The following TCF20 variants were observed in gnomAD, a reference collection of about 807,000 sequenced individuals.
TCF20 encodes the protein transcription factor 20, also known as SPRE-binding protein.
In TCF20, 3 loss-of-function variants were observed where a neutral mutation model predicts 148.6. The observed-to-expected ratio is 0.02, with a 90% CI of 0.01 to 0.05. The LOEUF (loss-of-function observed/expected upper bound fraction) is 0.05, where lower values mean the gene tolerates loss of function less well. Among genes scored for constraint, TCF20 ranks in the 10% least tolerant of loss-of-function variants. TCF20 has a pLI of 1.00. For missense variants in TCF20, 2,350 were observed against 2,429.3 expected, an observed-to-expected ratio of 0.97 and a Z score of 0.69; for synonymous variants, 1,049 against 909.5, an observed-to-expected ratio of 1.15 and a Z score of -2.76.
chr22:42,257,225 G>A (rs973954825), intron 1 of TCF20, among the ~76,000 whole-genome samples: 2 of 152,110 alleles, frequency 1.3e-5, no homozygotes, highest in African/African-American at 4.8e-5. Flanking sequence ...CGGTTCTCTG[G>A]GTTCTTCACC....
upstream of TCF20, among the ~76,000 whole-genome samples, chr22:42,286,730 G>A (rs987214131): frequency 1.3e-5 from 2 of 152,172 alleles, no homozygotes; most frequent in Admixed American, 1.3e-4. Flanking sequence ...CCAAGCCTCA[G>A]TTTCCTCCTT....
Position 42,210,101 on chromosome 22 carries a change from C to T in TCF20, c.5205G>A (p.Lys1735=). 1.9e-6 allele frequency: 3 copies of T among 1,614,102 alleles called. No individual in the cohort carries two copies. The highest frequency in any genetic ancestry group is 1.6e-4 in the Middle Eastern group (1 of 6,062). Residue 1735 remains lysine (K), a synonymous_variant, in exon 2 of 6, where the codon AAG becomes AAA. Transcript: ENST00000677622. The surrounding 1 kb of genome is among the most constrained non-coding windows in gnomAD (Gnocchi z 4.7). ...CTGTGGCCCTCTTAGGAGGTGGATTCTTCGGGAGAGTGGCTGCATAATCTT... is the reference window on the plus strand; with the variant it reads ...CTGTGGCCCTCTTAGGAGGTGGATTTTTCGGGAGAGTGGCTGCATAATCTT... ...YPQDYAATLP[K]NPPPKRATEM...
At chr22:42,179,822 G>A in intron 2 of TCF20, 120 bp from the exon 3 acceptor site, 1 of 682,448 alleles carries the variant, frequency 1.5e-6, no homozygotes, top group South Asian at 1.6e-5. Context: ...AGGAGTCCGT[G>A]GTGGCAGGAT....
chr22:42,337,310 C>G (rs922821216), intron 1 of TCF20, among the ~76,000 whole-genome samples: 55 of 152,134 alleles, frequency 3.6e-4, no homozygotes, highest in Admixed American at 2.6e-4. Context: ...CATACCTCCC[C>G]CTCCTGCCTG....
intron 2 of TCF20, among the ~76,000 whole-genome samples, chr22:42,206,541 C>T (rs535866664): frequency 4.6e-5 from 7 of 152,238 alleles, no homozygotes; most frequent in African/African-American, 1.7e-4. Flanking sequence ...GAATTTTGTA[C>T]TTGAGGGTCT....
chr22:42,308,666 T>C (rs1046066486), intron 1 of TCF20, among the ~76,000 whole-genome samples: 5 of 152,060 alleles, frequency 3.3e-5, no homozygotes, highest in African/African-American at 9.7e-5. Context: ...GCCTCCCCCA[T>C]GGCCAGAAGT....
Position 42,214,945 on chromosome 22 carries a change from G to A in TCF20, c.361C>T (p.Pro121Ser). Reference sequence around the variant, plus strand: ...TGATTGCCAAAGCTGCTCCCCTGGGGGGGTCCATAGCTCTGCACAGGCCCA... The same window carrying A: ...TGATTGCCAAAGCTGCTCCCCTGGGAGGGTCCATAGCTCTGCACAGGCCCA... ...PSGPVQSYGP[P>S]QGSSFGNQYG... The change falls in exon 2 of 6, where the codon CCC becomes TCC. Residue 121 changes from proline to serine, a missense_variant. This residue lies in a region of TCF20 where 1,641 missense variants were observed against 1,662.6 expected (regional missense o/e 0.99). Coordinates refer to ENST00000677622, the MANE Select transcript of TCF20 (RefSeq NM_001378418.1). 6.2e-7 allele frequency: 1 copy of A among 1,614,232 alleles called. No homozygotes were observed. The highest frequency in any genetic ancestry group is 2.2e-5 in the East Asian group (1 of 44,892).
Position 42,214,137 on chromosome 22 carries a change from A to G in TCF20, c.1169T>C (p.Met390Thr). 6.2e-7 allele frequency: 1 copy of G among 1,614,194 alleles called. No homozygotes were observed. Among genetic ancestry groups the G allele is most frequent in the East Asian group, 2.2e-5 (1 of 44,888 alleles). Residue 390 changes from methionine to threonine, a missense_variant, in exon 2 of 6, where the codon ATG becomes ACG. By Grantham distance (81) the Met-to-Thr change is moderately conservative. Coordinates refer to ENST00000677622, the MANE Select transcript of TCF20 (RefSeq NM_001378418.1). ...ACACTGGAGATTCTCCCCAGTCTGCATGAGAGGAGATGGGGTAGAACTACA... is the reference window on the plus strand; with the variant it reads ...ACACTGGAGATTCTCCCCAGTCTGCGTGAGAGGAGATGGGGTAGAACTACA... The part of the protein sequence containing the change: ...PSCSSTPSPL[M>T]QTGENLQCGQ...
chr22:42,257,691 C>CA (rs1237665685), intron 1 of TCF20, among the ~76,000 whole-genome samples: 1 of 152,062 alleles, frequency 6.6e-6, no homozygotes, highest in Non-Finnish European at 1.5e-5. Context: ...CTTTTTTCAG[C>CA]AAAAATCTTA....
At position 42,179,643 on chromosome 22, in the gene TCF20, G is replaced by C; in HGVS notation, c.5715C>G (p.Ser1905=). 6.2e-7 allele frequency: 1 copy of C among 1,614,172 alleles called. No homozygotes were observed. The highest frequency in any genetic ancestry group is 8.5e-7 in the Non-Finnish European group (1 of 1,180,006). Residue 1905 remains serine (S), a synonymous_variant, in exon 3 of 6, where the codon TCC becomes TCG. Transcript: ENST00000677622. The part of the protein sequence containing the change: ...ATLGCYNKGC[S]FRYHYPCAID... Reference sequence around the variant, plus strand: ...TGGCACACGGGTAATGGTATCGGAAGGAGCAGCCTTTGTTGTAGCAGCCCA... The same window carrying C: ...TGGCACACGGGTAATGGTATCGGAACGAGCAGCCTTTGTTGTAGCAGCCCA...
rs763559708 is a variant in TCF20 at position 42,214,440 on chromosome 22, T to G, written c.866A>C (p.Asn289Thr). 6.2e-7 allele frequency: 1 copy of G among 1,614,124 alleles called. No individual in the cohort carries two copies. Among genetic ancestry groups the G allele is most frequent in the Admixed American group, 1.7e-5 (1 of 60,006 alleles). Residue 289 changes from asparagine (N) to threonine (T), a missense_variant, in exon 2 of 6, where the codon AAT (asparagine) becomes ACT (threonine). By Grantham distance (65) the Asn-to-Thr change is moderately conservative. Coordinates refer to ENST00000677622, the MANE Select transcript of TCF20 (RefSeq NM_001378418.1). ...SNAQAYGTQS[N>T]YSYQPQSMKN... Reference sequence around the variant, plus strand: ...CATAGATTGAGGCTGATAGCTGTAATTGGATTGTGTTCCATAAGCCTGTGC... The same window carrying G: ...CATAGATTGAGGCTGATAGCTGTAAGTGGATTGTGTTCCATAAGCCTGTGC...
At chr22:42,307,722 T>C (rs1259102285) in intron 1 of TCF20, among the ~76,000 whole-genome samples, 1 of 152,198 alleles carries the variant, frequency 6.6e-6, no homozygotes, top group Non-Finnish European at 1.5e-5. Flanking sequence ...AGACGAGGCC[T>C]CCTGTGCCAC....
At chr22:42,161,436 C>G in intron 5 of TCF20, 78 bp from the exon 6 acceptor site, 2 of 1,601,526 alleles carry the variant, frequency 1.2e-6, no homozygotes, top group South Asian at 2.2e-5. Context: ...TCCGTGGTAC[C>G]CCTGGGAGCT....
intron 2 of TCF20, among the ~76,000 whole-genome samples, chr22:42,200,137 T>C (rs369683237): frequency 3.9e-4 from 59 of 152,338 alleles, no homozygotes; most frequent in African/African-American, 1.3e-3. Flanking sequence ...TAAACATGTA[T>C]ATTAGGCTGA....
intron 2 of TCF20, among the ~76,000 whole-genome samples, chr22:42,197,574 G>A (rs536314097): frequency 1.3e-5 from 2 of 152,110 alleles, no homozygotes; most frequent in East Asian, 1.9e-4. Flanking sequence ...CGCCCGTCTC[G>A]GCCTGCCAAA....
intron 1 of TCF20, among the ~76,000 whole-genome samples, chr22:42,227,923 A>G (rs1034171448): frequency 6.6e-6 from 1 of 152,216 alleles, no homozygotes; most frequent in Non-Finnish European, 1.5e-5. Context: ...GTAGTGTCTC[A>G]GGCCCCACAG....
At chr22:42,281,403 C>T (rs1926899137) in intron 1 of TCF20, among the ~76,000 whole-genome samples, 1 of 152,214 alleles carries the variant, frequency 6.6e-6, no homozygotes, top group Admixed American at 6.5e-5. Context: ...CAGGTTCTCC[C>T]TTCCTCCACA....
intron 1 of TCF20, among the ~76,000 whole-genome samples, chr22:42,244,233 C>G (rs937677185): frequency 3.3e-5 from 5 of 152,088 alleles, no homozygotes; most frequent in African/African-American, 1.2e-4. Flanking sequence ...TCTGGTGGTT[C>G]TTCAAAAAGT....
chr22:42,247,719 C>A (rs1925040317), intron 1 of TCF20, among the ~76,000 whole-genome samples: 1 of 152,134 alleles, frequency 6.6e-6, no homozygotes, highest in Admixed American at 6.6e-5. Context: ...AGACCAGGGA[C>A]TGGGGAAGAA....
Sources: allele counts gnomAD v4.1 joint callset (sites outside exome capture counted in the v4.1 genomes callset), GRCh38; gene constraint gnomAD v4.1.1; regional missense constraint gnomAD v4.1.1; non-coding constraint Gnocchi (gnomAD v3.1); transcripts MANE v1.5; gene names NCBI Gene and HGNC (gene_info 2026-07-23, HGNC 2026-07-21).